FBLN7: variants seen among roughly 807,000 people sequenced by gnomAD.
The protein encoded by FBLN7 is fibulin 7, also known as fibulin-7.
In FBLN7, 31 loss-of-function variants were observed where a neutral mutation model predicts 44.0. The observed-to-expected ratio is 0.70, with a 90% CI of 0.53 to 0.95. The LOEUF (loss-of-function observed/expected upper bound fraction) is 0.95. Ranked by LOEUF, FBLN7 falls within the 40% of genes least tolerant of loss-of-function variation. The pLI is 0.00. For synonymous variants in FBLN7, 262 were observed against 253.4 expected, an observed-to-expected ratio of 1.03 and a Z score of -0.32; for missense variants, 573 against 618.5, an observed-to-expected ratio of 0.93 and a Z score of 0.78.
intron 1 of FBLN7, among the ~76,000 whole-genome samples, chr2:112,147,560 T>A (rs963149985): frequency 3.9e-5 from 6 of 152,202 alleles, no homozygotes; most frequent in Non-Finnish European, 8.8e-5. Context: ...CCAGGGCTGC[T>A]TGTCCCTGGA....
rs1211342797 is a variant in FBLN7 at position 112,187,340 on chromosome 2, T to C, written c.1154T>C (p.Val385Ala). 1 of 1,614,082 alleles carries C rather than the reference T, an allele frequency of 6.2e-7. No individual in the cohort carries two copies. Among genetic ancestry groups the C allele is most frequent in the Non-Finnish European group, 8.5e-7 (1 of 1,180,018 alleles). Residue 385 changes from valine to alanine, a missense_variant, in exon 8 of 8, where the codon GTG becomes GCG. By Grantham distance (64) the Val-to-Ala change is moderately conservative. Coordinates refer to ENST00000331203, the MANE Select transcript of FBLN7 (RefSeq NM_153214.3). The surrounding 1 kb of genome is among the most constrained non-coding windows in gnomAD (Gnocchi z 5.1). ...IVGGNSRGHF[V>A]MQRSDRQTGD... The stretch of plus-strand genomic sequence containing the variant: ...GGTGGGAACAGCCGCGGCCACTTTG[T>C]GATGCAGCGTTCAGACCGGCAGACT...
intron 6 of FBLN7, among the ~76,000 whole-genome samples, chr2:112,183,738 A>G (rs1178979297): frequency 6.6e-6 from 1 of 152,074 alleles, no homozygotes; most frequent in African/African-American, 2.4e-5. Flanking sequence ...GGTTTCCTGG[A>G]GGGCCGGGTT....
chr2:112,172,788 A>G (rs1163860909), intron 3 of FBLN7, among the ~76,000 whole-genome samples: 1 of 151,878 alleles, frequency 6.6e-6, no homozygotes, highest in East Asian at 1.9e-4. Flanking sequence ...GCCCACCACC[A>G]TGCCCGGCTA....
At chr2:112,157,486 C>T (rs1681490572) in intron 1 of FBLN7, among the ~76,000 whole-genome samples, 1 of 152,184 alleles carries the variant, frequency 6.6e-6, no homozygotes, top group Admixed American at 6.5e-5. Context: ...CCAGGCTGTG[C>T]TGTTGTAACA....
the FBLN7 span, chr2:112,215,563 C>T: frequency 6.6e-6 from 1 of 152,128 alleles, no homozygotes; most frequent in Admixed American, 6.5e-5. Context: ...CTCTGTATGT[C>T]CAGCAAGTTG....
the FBLN7 span, among the ~76,000 whole-genome samples, chr2:112,200,966 C>A: frequency 1.3e-5 from 2 of 152,158 alleles, no homozygotes; most frequent in South Asian, 2.1e-4. Context: ...GAGCAAGTGC[C>A]TTTTATGTGC....
rs80260895 is a variant in FBLN7 at position 112,141,704 on chromosome 2, G to A, written c.75+2974G>A. Among the ~76,000 whole-genome samples, 382 of 152,354 alleles carry A rather than the reference G, an allele frequency of 2.5e-3. 2 individuals carry two copies. The highest frequency in any genetic ancestry group is 8.6e-3 in the African/African-American group (357 of 41,578). ...ATCCCTAAGGCGGCTCCCCAGCCTA[G>A]GCTCCAAGGAGGCAGCGTGGACAGG... On this transcript the variant is annotated intron_variant, in intron 1 of 7. Coordinates refer to ENST00000331203, the MANE Select transcript of FBLN7 (RefSeq NM_153214.3).
the FBLN7 span, among the ~76,000 whole-genome samples, chr2:112,218,021 T>C: frequency 6.6e-6 from 1 of 152,166 alleles, no homozygotes; most frequent in Non-Finnish European, 1.5e-5. Context: ...CCACAGCAGC[T>C]GGCATTACAG....
chr2:112,141,252 A>G (rs1207467155), intron 1 of FBLN7, among the ~76,000 whole-genome samples: 1 of 152,228 alleles, frequency 6.6e-6, no homozygotes, highest in Non-Finnish European at 1.5e-5. Context: ...GATGAAAGTG[A>G]GGCCCAGGGA....
chr2:112,187,701 A>C lies in FBLN7; in HGVS notation c.*195A>C, dbSNP rs974792826. ...GCAGCCACAAAACTCAACTGCTGCC[A>C]TCACTCTTTTTTTTTTTCTGCTTTG... On this transcript the variant is annotated 3_prime_UTR_variant, in exon 8 of 8. Coordinates refer to ENST00000331203, the MANE Select transcript of FBLN7 (RefSeq NM_153214.3). This position sits in a 1 kb window ranked among gnomAD's most constrained non-coding sequence, Gnocchi z 5.1. 1 of 649,622 alleles carries C rather than the reference A, an allele frequency of 1.5e-6. No homozygotes were observed. The highest frequency in any genetic ancestry group is 2.2e-5 in the South Asian group (1 of 45,344). 40.2% of individuals were successfully genotyped at this position (649,622 alleles called of 1,614,324 possible).
At chr2:112,184,639 A>G (rs949972524) in intron 6 of FBLN7, among the ~76,000 whole-genome samples, 1 of 88,586 alleles carries the variant, frequency 1.1e-5, no homozygotes, top group Non-Finnish European at 2.3e-5. Flanking sequence ...AAGTGTGTGT[A>G]TATATAGTAT....
intron 4 of FBLN7, among the ~76,000 whole-genome samples, chr2:112,180,044 A>G (rs549599447): frequency 6.6e-5 from 10 of 152,222 alleles, no homozygotes; most frequent in Non-Finnish European, 1.3e-4. Context: ...TCAAAGGAGT[A>G]AACAGACAAC....
chr2:112,196,992 A>C, the FBLN7 span, among the ~76,000 whole-genome samples: 1 of 151,874 alleles, frequency 6.6e-6, no homozygotes, highest in Non-Finnish European at 1.5e-5. Context: ...TCACTATCAC[A>C]AGAACAGCAT....
chr2:112,235,703 G>A, the FBLN7 span, among the ~76,000 whole-genome samples: 1 of 152,058 alleles, frequency 6.6e-6, no homozygotes, highest in Non-Finnish European at 1.5e-5. Flanking sequence ...TACATCTACA[G>A]ACCAAGGAAA....
the FBLN7 span, among the ~76,000 whole-genome samples, chr2:112,204,355 A>T: frequency 6.6e-6 from 1 of 151,946 alleles, no homozygotes; most frequent in Non-Finnish European, 1.5e-5. Context: ...TATAATAAGC[A>T]TCTCAGAAGG....
At chr2:112,184,348 T>A (rs904641485) in intron 6 of FBLN7, among the ~76,000 whole-genome samples, 1 of 152,026 alleles carries the variant, frequency 6.6e-6, no homozygotes, top group Non-Finnish European at 1.5e-5. Flanking sequence ...CCCGGTGACA[T>A]CCCATTGGGG....
At chr2:112,153,158 C>T (rs1681249360) in intron 1 of FBLN7, 1 of 152,042 alleles carries the variant, frequency 6.6e-6, no homozygotes, top group African/African-American at 2.4e-5. Flanking sequence ...GCCTCTGGCT[C>T]AGTTGAAAAA....
the FBLN7 span, among the ~76,000 whole-genome samples, chr2:112,203,876 C>T: frequency 3.3e-5 from 5 of 152,114 alleles, no homozygotes; most frequent in South Asian, 2.1e-4. Context: ...TTCACTACCA[C>T]GAGAACAGTA....
In FBLN7 at chr2:112,175,837, C is replaced by T. The variant is rs1682714355; in HGVS notation, c.530C>T (p.Thr177Ile). Residue 177 changes from threonine to isoleucine, a missense_variant and splice_region_variant, in exon 4 of 8, where the codon ACT (threonine) becomes ATT (isoleucine). Physicochemically the swap from Thr to Ile is moderately conservative, Grantham distance 89. Coordinates refer to ENST00000331203, the MANE Select transcript of FBLN7 (RefSeq NM_153214.3). ...TGNRCQHQAQ[T>I]AAPEGSVAGD... ...AACCGCTGTCAGCATCAGGCCCAGACTGGTATGTAGCCACCATGGGGTTAG... is the reference window on the plus strand; with the variant it reads ...AACCGCTGTCAGCATCAGGCCCAGATTGGTATGTAGCCACCATGGGGTTAG... 3 of 1,614,038 alleles carry T rather than the reference C, an allele frequency of 1.9e-6. No homozygotes were observed. Among genetic ancestry groups the T allele is most frequent in the Admixed American group, 3.3e-5 (2 of 60,008 alleles).
Sources: allele counts gnomAD v4.1 joint callset (sites outside exome capture counted in the v4.1 genomes callset), GRCh38; gene constraint gnomAD v4.1.1; non-coding constraint Gnocchi (gnomAD v3.1); transcripts MANE v1.5; gene names NCBI Gene and HGNC (gene_info 2026-07-23, HGNC 2026-07-21).